Variants in ACYP2 observed in about 807,000 individuals in gnomAD.
The protein encoded by ACYP2 is acylphosphatase 2.
ACYP2 carries 12 observed loss-of-function variants against 11.2 expected under a neutral mutation model. That is an observed-to-expected ratio of 1.08 (90% CI 0.69 to 1.74). The LOEUF (loss-of-function observed/expected upper bound fraction) is 1.74. ACYP2 is among the 40% of genes most tolerant of loss of function. The probability of loss-of-function intolerance (pLI) is 0.00; values close to 1 mark genes in which losing one functional copy is unlikely to be tolerated. For synonymous variants in ACYP2, 43 were observed against 32.2 expected, an observed-to-expected ratio of 1.33 and a Z score of -1.13; for missense variants, 134 against 101.9, an observed-to-expected ratio of 1.31 and a Z score of -1.35.
At chr2:54,024,020 G>C (rs1210630186) in intron 2 of ACYP2, among the ~76,000 whole-genome samples, 1 of 152,166 alleles carries the variant, frequency 6.6e-6, no homozygotes, top group East Asian at 1.9e-4. Flanking sequence ...TATCCCTGAT[G>C]AACATAGATG....
chr2:54,276,273 GTCTC>G (rs1558662509), intron 6 of ACYP2, among the ~76,000 whole-genome samples: 1 of 152,098 alleles, frequency 6.6e-6, no homozygotes, highest in African/African-American at 2.4e-5. Context: ...GTTAATAAAA[GTCTC>G]TCACTCAAAA....
chr2:54,201,684 C>CTTTCTTTCTTTCTT (rs1684835755), intron 6 of ACYP2, among the ~76,000 whole-genome samples: 11 of 39,504 alleles, frequency 2.8e-4, no homozygotes, highest in South Asian at 2.7e-3. Context: ...CTTTCTTTCT[C>CTTTCTTTCTTTCTT]TCTCTCTCTC....
chr2:54,301,774 T>A (rs1323380546), intron 6 of ACYP2, among the ~76,000 whole-genome samples: 1 of 152,200 alleles, frequency 6.6e-6, no homozygotes, highest in Non-Finnish European at 1.5e-5. Flanking sequence ...AACTCTTAGT[T>A]CTGCCATCTT....
intron 6 of ACYP2, among the ~76,000 whole-genome samples, chr2:54,144,347 C>G (rs1477563630): frequency 6.6e-6 from 1 of 151,990 alleles, no homozygotes; most frequent in Non-Finnish European, 1.5e-5. Context: ...TCCAATTTTT[C>G]TAGGTTTTCA....
intron 6 of ACYP2, among the ~76,000 whole-genome samples, chr2:54,286,717 T>C (rs1689093503): frequency 1.3e-5 from 2 of 152,098 alleles, no homozygotes; most frequent in Admixed American, 6.5e-5. Flanking sequence ...AAAATCTTTA[T>C]GCTGTTTTGA....
intron 4 of ACYP2, among the ~76,000 whole-genome samples, chr2:54,107,539 G>A (rs1249784999): frequency 6.6e-6 from 1 of 152,154 alleles, no homozygotes; most frequent in African/African-American, 2.4e-5. Flanking sequence ...ACATTGCACT[G>A]GTCAAGGTTT....
chr2:54,274,219 C>T (rs1573032096), intron 6 of ACYP2, among the ~76,000 whole-genome samples: 1 of 152,116 alleles, frequency 6.6e-6, no homozygotes, highest in African/African-American at 2.4e-5. Flanking sequence ...CAGTAAAACT[C>T]CCCCTTATAA....
chr2:54,007,161 A>AAAAAAAAG (rs1673113714), intron 2 of ACYP2, among the ~76,000 whole-genome samples: 2 of 141,278 alleles, frequency 1.4e-5, no homozygotes, highest in Non-Finnish European at 1.6e-5. Context: ...AAAAAAAAAA[A>AAAAAAAAG]AAAGAAAGAA....
chr2:54,095,052 T>A (rs550189463), intron 4 of ACYP2, among the ~76,000 whole-genome samples: 63 of 151,202 alleles, frequency 4.2e-4, no homozygotes, highest in Admixed American at 3.8e-3. Context: ...GGTGTTTGTG[T>A]CCCTGGGTAC....
intron 6 of ACYP2, among the ~76,000 whole-genome samples, chr2:54,282,316 G>A (rs145425629): frequency 3.9e-4 from 59 of 152,262 alleles, no homozygotes; most frequent in African/African-American, 1.3e-3. Flanking sequence ...CGTCACGGAC[G>A]ATGGGAAACT....
chr2:54,140,845 C>T (rs549568317), intron 6 of ACYP2, among the ~76,000 whole-genome samples: 162 of 152,140 alleles, frequency 1.1e-3, no homozygotes, highest in African/African-American at 3.6e-3. Context: ...TGCATAGGTT[C>T]CCAGGAGTGT....
intron 6 of ACYP2, among the ~76,000 whole-genome samples, chr2:54,279,957 C>T (rs948430304): frequency 6.6e-6 from 1 of 152,150 alleles, no homozygotes; most frequent in African/African-American, 2.4e-5. Context: ...TTATCTTCTT[C>T]CATGCCCATT....
chr2:54,071,821 G>T (rs1677061918), intron 4 of ACYP2, among the ~76,000 whole-genome samples: 1 of 152,122 alleles, frequency 6.6e-6, no homozygotes, highest in Non-Finnish European at 1.5e-5. Flanking sequence ...GACCAGCCTG[G>T]TCAACATGAC....
At chr2:54,182,660 G>A (rs1683794979) in intron 6 of ACYP2, among the ~76,000 whole-genome samples, 2 of 152,146 alleles carry the variant, frequency 1.3e-5, no homozygotes, top group South Asian at 2.1e-4. Flanking sequence ...TGTGACCACC[G>A]TTTGGTGTCT....
At chr2:54,168,737 G>C (rs1273442446) in intron 6 of ACYP2, among the ~76,000 whole-genome samples, 1 of 152,164 alleles carries the variant, frequency 6.6e-6, no homozygotes, top group Non-Finnish European at 1.5e-5. Flanking sequence ...TGAACATACA[G>C]TATCTCTTGG....
chr2:53,972,174 G>C (rs991704138), intron 1 of ACYP2, among the ~76,000 whole-genome samples: 5 of 151,274 alleles, frequency 3.3e-5, no homozygotes, highest in Non-Finnish European at 7.4e-5. Context: ...GCCGGGCGTG[G>C]TGGCGGACGC....
rs1689852061 is a variant in ACYP2 at position 54,304,727 on chromosome 2, C to T, written c.444C>T (p.Arg148=). The T allele has an allele frequency of 6.2e-7, 1 of 1,612,236 alleles. No individual in the cohort carries two copies. Among genetic ancestry groups the T allele is most frequent in the Non-Finnish European group, 8.5e-7 (1 of 1,179,592 alleles). Reference sequence around the variant, plus strand: ...GCAAGGTTGGAAGCCCTAGTTCTCGCATTGACCGCACAAACTTTTCTAATG... The same window carrying T: ...GCAAGGTTGGAAGCCCTAGTTCTCGTATTGACCGCACAAACTTTTCTAATG... Residue 148 remains arginine (R), a synonymous_variant, in exon 7 of 7, where the codon CGC becomes CGT. Coordinates refer to ENST00000607452, the MANE Select transcript of ACYP2 (RefSeq NM_001320586.2).
At chr2:53,993,685 A>AG (rs1223207888) in intron 2 of ACYP2, among the ~76,000 whole-genome samples, 1 of 151,368 alleles carries the variant, frequency 6.6e-6, no homozygotes, top group Non-Finnish European at 1.5e-5. Flanking sequence ...CGACAGAGTG[A>AG]GGGAAAAAAA....
intron 2 of ACYP2, among the ~76,000 whole-genome samples, chr2:54,036,761 A>G (rs946330859): frequency 6.6e-6 from 1 of 152,192 alleles, no homozygotes; most frequent in African/African-American, 2.4e-5. Flanking sequence ...TCTCATTGTA[A>G]ATGAATAAAG....
Sources: allele counts gnomAD v4.1 joint callset (sites outside exome capture counted in the v4.1 genomes callset), GRCh38; gene constraint gnomAD v4.1.1; transcripts MANE v1.5; gene names NCBI Gene and HGNC (gene_info 2026-07-23, HGNC 2026-07-21).